The following LPP variants were observed in gnomAD, a reference collection of about 807,000 sequenced individuals.
LPP encodes LIM domain containing preferred translocation partner in lipoma.
Under a neutral mutation model 60.4 loss-of-function variants are expected in LPP, and 38 were observed. The observed-to-expected ratio is 0.63, with a 90% CI of 0.49 to 0.83. The LOEUF (loss-of-function observed/expected upper bound fraction) is 0.83, where lower values mean the gene tolerates loss of function less well. Ranked by LOEUF, LPP falls within the 40% of genes least tolerant of loss-of-function variation. The probability of loss-of-function intolerance (pLI) is 0.00; values close to 1 mark genes in which losing one functional copy is unlikely to be tolerated. For synonymous variants in LPP, 328 were observed against 290.8 expected (o/e 1.13, Z -1.30); for missense variants, 902 against 783.6 (o/e 1.15, Z -1.80).
chr3:188,555,517 G>T (rs1263557021), intron 6 of LPP, among the ~76,000 whole-genome samples: 2 of 152,042 alleles, frequency 1.3e-5, no homozygotes, highest in Non-Finnish European at 2.9e-5. Flanking sequence ...TGGGATTCTG[G>T]ATATATTTCC....
At chr3:188,714,381 C>G (rs1712906715) in intron 8 of LPP, among the ~76,000 whole-genome samples, 1 of 152,108 alleles carries the variant, frequency 6.6e-6, no homozygotes, top group Non-Finnish European at 1.5e-5. Context: ...TCTTAAACAT[C>G]CTGAATTAAC....
chr3:188,825,813 C>T (rs1577812206), intron 9 of LPP, among the ~76,000 whole-genome samples: 1 of 152,006 alleles, frequency 6.6e-6, no homozygotes, highest in Non-Finnish European at 1.5e-5. Context: ...GATTTAAGGG[C>T]AATCTTAAGG....
At chr3:188,335,053 G>A (rs796323375) in intron 2 of LPP, among the ~76,000 whole-genome samples, 7 of 152,088 alleles carry the variant, frequency 4.6e-5, no homozygotes, top group East Asian at 1.9e-4. Context: ...TGGTGTATAC[G>A]CCTGTTCAAG....
intron 3 of LPP, among the ~76,000 whole-genome samples, chr3:188,379,703 G>T (rs1776341071): frequency 6.6e-6 from 1 of 152,072 alleles, no homozygotes; most frequent in South Asian, 2.1e-4. Context: ...ACAATATGTA[G>T]TCTTTTGTTA....
chr3:188,613,308 A>ATG (rs1371966212), intron 7 of LPP, among the ~76,000 whole-genome samples: 9 of 145,220 alleles, frequency 6.2e-5, no homozygotes, highest in Admixed American at 1.4e-4. Context: ...CTATATCTAT[A>ATG]TCTATATATA....
chr3:188,210,948 G>A (rs921608652), intron 1 of LPP, among the ~76,000 whole-genome samples: 1 of 152,154 alleles, frequency 6.6e-6, no homozygotes, highest in Non-Finnish European at 1.5e-5. Flanking sequence ...GTTCTGGCAT[G>A]CAGTGGAAGG....
intron 2 of LPP, among the ~76,000 whole-genome samples, chr3:188,273,507 C>G (rs956545391): frequency 6.6e-6 from 1 of 151,972 alleles, no homozygotes; most frequent in Non-Finnish European, 1.5e-5. Context: ...AATCTTACCC[C>G]CCTTTCATTT....
intron 2 of LPP, among the ~76,000 whole-genome samples, chr3:188,310,155 G>C (rs1243225591): frequency 6.6e-6 from 1 of 151,706 alleles, no homozygotes; most frequent in African/African-American, 2.4e-5. Context: ...TTGTGTTCTA[G>C]AGAAAGGGGT....
At chr3:188,158,628 T>G (rs2148671727) in intron 1 of LPP, among the ~76,000 whole-genome samples, 1 of 152,320 alleles carries the variant, frequency 6.6e-6, no homozygotes, top group South Asian at 2.1e-4. Context: ...TTTGAAATAT[T>G]TTCAAATGCT....
At chr3:188,334,319 T>G (rs1760981724) in intron 2 of LPP, among the ~76,000 whole-genome samples, 1 of 152,048 alleles carries the variant, frequency 6.6e-6, no homozygotes, top group Non-Finnish European at 1.5e-5. Flanking sequence ...TAATTAGTGC[T>G]GCAATAAACA....
At chr3:188,396,579 G>A (rs1228651598) in intron 3 of LPP, among the ~76,000 whole-genome samples, 1 of 152,202 alleles carries the variant, frequency 6.6e-6, no homozygotes, top group African/African-American at 2.4e-5. Flanking sequence ...TAAAGAGATT[G>A]CTAGGTCTCA....
At chr3:188,334,205 T>C (rs1345458744) in intron 2 of LPP, among the ~76,000 whole-genome samples, 4 of 152,170 alleles carry the variant, frequency 2.6e-5, no homozygotes, top group Admixed American at 6.5e-5. Context: ...ATTTCATTCA[T>C]TTTTTTATGG....
At chr3:188,839,942 T>A (rs561889500) in intron 9 of LPP, among the ~76,000 whole-genome samples, 6 of 152,288 alleles carry the variant, frequency 3.9e-5, no homozygotes, top group Non-Finnish European at 7.4e-5. Context: ...TTTTTAAACT[T>A]TAGTTTTATT....
At chr3:188,514,333 C>A (rs958699522) in intron 5 of LPP, among the ~76,000 whole-genome samples, 1 of 152,084 alleles carries the variant, frequency 6.6e-6, no homozygotes, top group African/African-American at 2.4e-5. Context: ...GATAGACTTC[C>A]TACCTCCTGT....
In LPP at chr3:188,878,511, C is replaced by A. The variant is rs1769510887; in HGVS notation, c.*4032C>A. The A allele has an allele frequency of 4.6e-6, 1 of 215,806 alleles. No individual in the cohort carries two copies. Among genetic ancestry groups the A allele is most frequent in the Middle Eastern group, 1.4e-3 (1 of 692 alleles). 13.4% of individuals were successfully genotyped at this position (215,806 alleles called of 1,614,324 possible). A position where few individuals can be genotyped will look rare whatever the true frequency, so the allele number is the denominator to read the frequency against. On this transcript the variant is annotated 3_prime_UTR_variant, in exon 12 of 12. Coordinates refer to ENST00000617246, the MANE Select transcript of LPP (RefSeq NM_001375462.1). Reference sequence around the variant, plus strand: ...ATGAAATATGACAGCATGTTCCATACCCCTGCTTTAGCCATCTGTGGGAAA... The same window carrying A: ...ATGAAATATGACAGCATGTTCCATAACCCTGCTTTAGCCATCTGTGGGAAA...
chr3:188,576,694 T>G (rs1272324750), intron 6 of LPP, among the ~76,000 whole-genome samples: 2 of 152,156 alleles, frequency 1.3e-5, no homozygotes, highest in Non-Finnish European at 2.9e-5. Flanking sequence ...ATGTTAGTCT[T>G]GCTACATATC....
intron 10 of LPP, 64 bp downstream of exon 10, chr3:188,866,442 G>A: frequency 1.6e-6 from 2 of 1,256,594 alleles, no homozygotes; most frequent in Non-Finnish European, 2.1e-6. Flanking sequence ...TTACTGCTTG[G>A]CATCTGGGCA....
At chr3:188,639,521 C>G (rs1238278105) in intron 7 of LPP, among the ~76,000 whole-genome samples, 1 of 151,544 alleles carries the variant, frequency 6.6e-6, no homozygotes, top group Non-Finnish European at 1.5e-5. Context: ...CAAATGGGAT[C>G]TAATTAAACT....
chr3:188,368,735 G>C (rs1027815586), intron 3 of LPP, among the ~76,000 whole-genome samples: 4 of 150,388 alleles, frequency 2.7e-5, no homozygotes, highest in Admixed American at 2.6e-4. Flanking sequence ...GAGAGAGAGA[G>C]AGAGAGAGAG....
Sources: gnomAD v4.1 joint callset for allele counts (sites outside exome capture counted in the v4.1 genomes callset) on GRCh38, gnomAD v4.1.1 for gene constraint, MANE v1.5 for transcripts, NCBI Gene and HGNC (gene_info 2026-07-23, HGNC 2026-07-21) for gene names.